Variants in SLC4A5 observed in about 807,000 individuals in gnomAD.
The protein encoded by SLC4A5 is electrogenic sodium bicarbonate cotransporter 4.
SLC4A5 carries 96 observed loss-of-function variants against 120.4 expected under a neutral mutation model. The ratio of observed to expected loss-of-function variants is 0.80; its 90% CI spans 0.68 to 0.94. The LOEUF (loss-of-function observed/expected upper bound fraction) is 0.94, where lower values mean the gene tolerates loss of function less well. SLC4A5 is among the 40% of genes least tolerant of loss of function. SLC4A5 has a pLI of 0.00. For missense variants in SLC4A5, 1,259 were observed against 1,459.5 expected, an observed-to-expected ratio of 0.86 and a Z score of 2.24; for synonymous variants, 550 against 571.1, an observed-to-expected ratio of 0.96 and a Z score of 0.53.
At chr2:74,268,466 C>G (rs920486629) in intron 8 of SLC4A5, among the ~76,000 whole-genome samples, 2 of 152,234 alleles carry the variant, frequency 1.3e-5, no homozygotes, top group Admixed American at 6.5e-5. Flanking sequence ...TGAAGTCCTT[C>G]TAGTATTCCA....
chr2:74,310,505 T>A lies in SLC4A5; in HGVS notation c.79+4440A>T, dbSNP rs149892976. On this transcript the variant is annotated intron_variant, in intron 6 of 30. Transcript: ENST00000394019. The stretch of plus-strand genomic sequence containing the variant: ...TTCCTAGTTTACTGCAAGTTTTTAT[T>A]ATGAATAGGTGTTGGATTTTGTCAA... Among the ~76,000 whole-genome samples the A allele has an allele frequency of 7.9e-5, 12 of 152,318 alleles. No homozygotes were observed. In the East Asian group the frequency reaches 2.1e-3, roughly 27 times the overall value.
At chr2:74,246,344 T>C (rs567808308) in intron 19 of SLC4A5, among the ~76,000 whole-genome samples, 3 of 152,134 alleles carry the variant, frequency 2.0e-5, no homozygotes, top group Non-Finnish European at 4.4e-5. Context: ...CGCCCACCAT[T>C]GTAGGTTCTT....
intron 7 of SLC4A5, among the ~76,000 whole-genome samples, chr2:74,296,200 G>A (rs745460765): frequency 1.2e-4 from 19 of 152,120 alleles, no homozygotes; most frequent in South Asian, 2.1e-4. Flanking sequence ...TTGAAAATTC[G>A]GGGCGATCTT....
chr2:74,222,785 C>T (rs1694697663), intron 29 of SLC4A5, 83 bp downstream of exon 29: 3 of 1,237,814 alleles, frequency 2.4e-6, no homozygotes, highest in Non-Finnish European at 3.6e-6. Context: ...ATTAGATCCC[C>T]CTGAGTTACA....
intron 4 of SLC4A5, among the ~76,000 whole-genome samples, chr2:74,328,998 G>A (rs1180611033): frequency 6.6e-6 from 1 of 152,060 alleles, no homozygotes; most frequent in African/African-American, 2.4e-5. Context: ...CAAAGACCTT[G>A]AAGACCTCTC....
chr2:74,307,611 T>C, intron 6 of SLC4A5: 1 of 819,248 alleles, frequency 1.2e-6, no homozygotes. Flanking sequence ...GCTCATGTCC[T>C]CAATGGTCTT....
chr2:74,254,686 C>T, exon 14 of SLC4A5: 1 of 1,613,666 alleles, frequency 6.2e-7, no homozygotes, highest in Non-Finnish European at 8.5e-7. Context: ...CCCAGAAGGT[C>T]CCAGTAGTAT....
intron 5 of SLC4A5, among the ~76,000 whole-genome samples, chr2:74,326,652 C>T (rs1243743278): frequency 6.6e-6 from 1 of 152,070 alleles, no homozygotes; most frequent in African/African-American, 2.4e-5. Flanking sequence ...AACCCTGTCT[C>T]TACTAAAAAT....
At position 74,247,877 on chromosome 2, in the gene SLC4A5, C is replaced by T. The variant is rs192177104; in HGVS notation, c.1787+476G>A. On this transcript the variant is annotated intron_variant, in intron 18 of 30. Transcript: ENST00000394019. ...AGGAAGGTGCCAAGACATCTCAGTG[C>T]TCACAGTTGGTAACAGACACCAGAG... 7.2e-5 allele frequency among the ~76,000 whole-genome samples: 11 copies of T among 152,032 alleles called. No homozygotes were observed. The East Asian group carries it at 1.7e-3, about 24-fold the overall frequency.
chr2:74,247,332 G>T, intron 18 of SLC4A5, 25 bp from the exon 19 acceptor site: 1 of 1,596,662 alleles, frequency 6.3e-7, no homozygotes. Flanking sequence ...GGAGGTGAGG[G>T]GCCTCCAGCC....
chr2:74,330,584 G>T (rs1383744619), intron 4 of SLC4A5, among the ~76,000 whole-genome samples: 1 of 151,544 alleles, frequency 6.6e-6, no homozygotes, highest in African/African-American at 2.4e-5. Flanking sequence ...GGTTGGTGAG[G>T]TATAGATGGT....
chr2:74,332,697 G>T, intron 4 of SLC4A5, among the ~76,000 whole-genome samples: 1 of 151,034 alleles, frequency 6.6e-6, no homozygotes, highest in East Asian at 2.1e-4. Context: ...GCAGAGGGGT[G>T]TCCATTTGTG....
rs776898003 is a variant in SLC4A5, at chr2:74,227,141, AGCG to A, written c.2917-14_2917-12del. 6.2e-7 allele frequency: 1 copy of A among 1,600,286 alleles called. No individual in the cohort carries two copies. Among genetic ancestry groups the A allele is most frequent in the Non-Finnish European group, 8.5e-7 (1 of 1,173,260 alleles). ...GCAGCGTTCCCAGAACTAGGGGGACAGCGGGGGCTCAGCCAGGCAGCCAGACCC... is the reference window on the plus strand; with the variant it reads ...GCAGCGTTCCCAGAACTAGGGGGACAGGGGCTCAGCCAGGCAGCCAGACCC... On this transcript the variant is annotated splice_polypyrimidine_tract_variant and intron_variant, in intron 26 of 30. Transcript: ENST00000394019.
intron 6 of SLC4A5, among the ~76,000 whole-genome samples, chr2:74,305,028 T>G (rs1672599890): frequency 6.6e-6 from 1 of 152,230 alleles, no homozygotes; most frequent in South Asian, 2.1e-4. Context: ...TAGTTCAAAA[T>G]GCCAAGTGCC....
intron 20 of SLC4A5, among the ~76,000 whole-genome samples, chr2:74,240,721 G>A (rs1437941631): frequency 6.7e-6 from 1 of 149,142 alleles, no homozygotes; most frequent in African/African-American, 2.5e-5. Flanking sequence ...GTGATGATAC[G>A]ATCACACCAC....
At position 74,327,165 on chromosome 2, in the gene SLC4A5, T is replaced by A. The variant is rs547302994; in HGVS notation, c.-3+955A>T. 2.0e-5 allele frequency among the ~76,000 whole-genome samples: 3 copies of A among 152,290 alleles called. No homozygotes were observed. The South Asian group carries it at 6.2e-4, about 32-fold the overall frequency. On this transcript the variant is annotated intron_variant, in intron 5 of 30. Coordinates refer to ENST00000394019, the Ensembl canonical transcript of SLC4A5. ...AGTAATGAATCCTTAAGATTAGACA[T>A]CCATGTCTCTGGGAAAAAAGGTAAC...
At chr2:74,307,658 C>G in intron 6 of SLC4A5, 1 of 1,009,038 alleles carries the variant, frequency 9.9e-7, no homozygotes, top group Non-Finnish European at 1.5e-6. Flanking sequence ...GGGGTCCCTT[C>G]TTCTCCAGGT....
Position 74,335,259 on chromosome 2 carries a change from G to A in SLC4A5, c.-220-1082C>T, listed in dbSNP as rs575771931. 5.3e-5 allele frequency among the ~76,000 whole-genome samples: 8 copies of A among 152,336 alleles called. No homozygotes were observed. The South Asian group carries it at 1.7e-3, about 32-fold the overall frequency. On this transcript the variant is annotated intron_variant, in intron 3 of 30. Coordinates refer to ENST00000394019, the Ensembl canonical transcript of SLC4A5. ...GATGACAGTCTCTCTACTTAAGCAAGCTAGAGCCCACGGAGGCATCTTGGG... is the reference window on the plus strand; with the variant it reads ...GATGACAGTCTCTCTACTTAAGCAAACTAGAGCCCACGGAGGCATCTTGGG...
chr2:74,343,113 C>T (rs1014930152), intron 1 of SLC4A5, among the ~76,000 whole-genome samples: 4 of 152,206 alleles, frequency 2.6e-5, no homozygotes, highest in African/African-American at 9.7e-5. Context: ...AGGAAAACCT[C>T]GTCATTCCGT....
Sources: allele counts gnomAD v4.1 joint callset (sites outside exome capture counted in the v4.1 genomes callset), GRCh38; gene constraint gnomAD v4.1.1; transcripts MANE v1.5; gene names NCBI Gene and HGNC (gene_info 2026-07-23, HGNC 2026-07-21).